HERC4: variants seen among roughly 807,000 people sequenced by gnomAD.
The protein encoded by HERC4 is probable E3 ubiquitin-protein ligase HERC4.
Under a neutral mutation model 124.3 loss-of-function variants are expected in HERC4, and 28 were observed. That is an observed-to-expected ratio of 0.23 (90% CI 0.17 to 0.31). The LOEUF (loss-of-function observed/expected upper bound fraction) is 0.31. HERC4 is among the 10% of genes least tolerant of loss of function. HERC4 has a pLI of 1.00. For missense variants in HERC4, 713 were observed against 1,229.3 expected, an observed-to-expected ratio of 0.58 and a Z score of 6.28; for synonymous variants, 407 against 421.5, an observed-to-expected ratio of 0.97 and a Z score of 0.42.
Position 68,030,153 on chromosome 10 carries a change from T to A in HERC4, c.777+2625A>T, listed in dbSNP as rs190281285. On this transcript the variant is annotated intron_variant, in intron 7 of 24. Coordinates refer to ENST00000373700, the MANE Select transcript of HERC4 (RefSeq NM_015601.4). ...TAAATTTACTGTATTTTTAAAAACA[T>A]ATAAGGCCGGGTGCAGGATTACACA... is the stretch of plus-strand genomic sequence containing the variant. Among the ~76,000 whole-genome samples, 7 of 152,096 alleles carry A rather than the reference T, an allele frequency of 4.6e-5. No homozygotes were observed. The East Asian group carries it at 1.4e-3, about 29-fold the overall frequency.
chr10:67,958,779 C>T (rs2034307155), intron 16 of HERC4, among the ~76,000 whole-genome samples: 1 of 152,120 alleles, frequency 6.6e-6, no homozygotes, highest in Non-Finnish European at 1.5e-5. Flanking sequence ...TAGGCATTTG[C>T]TAAATTTTAA....
chr10:68,025,504 T>C (rs1357147131), intron 8 of HERC4, 42 bp downstream of exon 8: 5 of 1,573,978 alleles, frequency 3.2e-6, no homozygotes, highest in African/African-American at 1.4e-5. Context: ...CCTAAACAAC[T>C]GCAGTTTAGA....
chr10:67,974,103 CACACACACACACACACAT>C (rs1191820263), intron 15 of HERC4, among the ~76,000 whole-genome samples: 11 of 144,340 alleles, frequency 7.6e-5, no homozygotes, highest in East Asian at 4.5e-4. Flanking sequence ...CACACACACA[CACACACACACACACACAT>C]ACACACAGGG....
Position 68,059,802 on chromosome 10 carries a change from A to ATATATTATAATATTATATATCATAATAT in HERC4, c.226+13053_226+13080dup, listed in dbSNP as rs1564609523. 1.6e-4 allele frequency among the ~76,000 whole-genome samples: 14 copies of ATATATTATAATATTATATATCATAATAT among 88,650 alleles called. 1 individual carries two copies. Among genetic ancestry groups the ATATATTATAATATTATATATCATAATAT allele is most frequent in the Non-Finnish European group, 2.4e-4 (13 of 54,694 alleles). The allele number at this position is 88,650 out of a possible 152,430, so 58.2% of individuals were successfully genotyped here. Reference sequence around the variant, plus strand: ...TTATAATATTATATATCATAATATTATATATTATAATATTATATATCATAA... The same window carrying ATATATTATAATATTATATATCATAATAT: ...TTATAATATTATATATCATAATATTATATATTATAATATTATATATCATAATATTATATTATAATATTATATATCATAA... On this transcript the variant is annotated intron_variant, in intron 3 of 24. Coordinates refer to ENST00000373700, the MANE Select transcript of HERC4 (RefSeq NM_015601.4).
At chr10:67,931,047 G>T (rs192672168) in intron 23 of HERC4, among the ~76,000 whole-genome samples, 112 of 152,122 alleles carry the variant, frequency 7.4e-4, no homozygotes, top group African/African-American at 2.7e-3. Context: ...GTGCAGTGGC[G>T]CAATCTCACT....
At chr10:67,950,435 C>G (rs972709031) in intron 19 of HERC4, among the ~76,000 whole-genome samples, 4 of 151,998 alleles carry the variant, frequency 2.6e-5, no homozygotes, top group Non-Finnish European at 5.9e-5. Flanking sequence ...TCCACCATGC[C>G]CAGCTAATTT....
At chr10:68,012,216 G>A (rs1049360118) in intron 9 of HERC4, among the ~76,000 whole-genome samples, 12 of 152,138 alleles carry the variant, frequency 7.9e-5, no homozygotes, top group African/African-American at 2.9e-4. Context: ...CAGCAATAAG[G>A]CTGTTTTTCA....
chr10:67,993,997 T>C lies in HERC4; in HGVS notation c.1070-1315A>G, dbSNP rs571968579. On this transcript the variant is annotated intron_variant, in intron 9 of 24. Transcript: ENST00000373700. ...GATTATTCCTTACAAGCAAGCACAA[T>C]GTTTTATTTGTAAAAGAAATCAGTA... 35 of 152,326 alleles carry C rather than the reference T, an allele frequency of 2.3e-4. 1 individual carries two copies. The highest frequency in any genetic ancestry group is 8.2e-4 in the African/African-American group (34 of 41,586). The allele number at this position is 152,326 out of a possible 1,614,324, so 9.4% of individuals were successfully genotyped here.
At chr10:68,050,411 A>C (rs2040239851) in intron 3 of HERC4, among the ~76,000 whole-genome samples, 1 of 152,230 alleles carries the variant, frequency 6.6e-6, no homozygotes, top group Non-Finnish European at 1.5e-5. Flanking sequence ...AAGTAGTTAA[A>C]GCAATGTATT....
intron 23 of HERC4, among the ~76,000 whole-genome samples, chr10:67,927,511 T>C (rs994978862): frequency 8.8e-5 from 13 of 147,894 alleles, no homozygotes; most frequent in African/African-American, 3.3e-4. Context: ...CTGCAACCTC[T>C]GCCTCCCAGG....
At chr10:68,026,312 T>A (rs2038897737) in intron 7 of HERC4, among the ~76,000 whole-genome samples, 1 of 152,002 alleles carries the variant, frequency 6.6e-6, no homozygotes, top group Non-Finnish European at 1.5e-5. Context: ...CCCAGGCTGG[T>A]CTCGAACTCC....
At chr10:68,062,316 TA>T (rs959851452) in intron 3 of HERC4, among the ~76,000 whole-genome samples, 4 of 152,174 alleles carry the variant, frequency 2.6e-5, no homozygotes, top group African/African-American at 9.7e-5. Context: ...ATGAATATAC[TA>T]ATCTATAGCT....
At chr10:68,050,369 TA>T (rs2040237375) in intron 3 of HERC4, among the ~76,000 whole-genome samples, 1 of 152,150 alleles carries the variant, frequency 6.6e-6, no homozygotes, top group Non-Finnish European at 1.5e-5. Flanking sequence ...AAATATAACT[TA>T]AAAAATATAA....
At chr10:68,020,387 A>G (rs568158697) in intron 8 of HERC4, among the ~76,000 whole-genome samples, 4 of 152,124 alleles carry the variant, frequency 2.6e-5, no homozygotes, top group African/African-American at 9.7e-5. Context: ...CATCCTAAAG[A>G]TGCTCAAAGA....
At chr10:68,066,059 C>T (rs1480555149) in intron 3 of HERC4, among the ~76,000 whole-genome samples, 1 of 151,982 alleles carries the variant, frequency 6.6e-6, no homozygotes, top group Non-Finnish European at 1.5e-5. Flanking sequence ...TTAGTGTTAC[C>T]CATTTTTCTA....
chr10:68,037,190 G>A (rs1408261650), intron 5 of HERC4, among the ~76,000 whole-genome samples: 3 of 150,604 alleles, frequency 2.0e-5, no homozygotes, highest in African/African-American at 7.3e-5. Flanking sequence ...CGCCTCCCGG[G>A]TTCAAGCGAT....
intron 8 of HERC4, among the ~76,000 whole-genome samples, chr10:68,025,167 G>T (rs2038833671): frequency 6.6e-6 from 1 of 151,992 alleles, no homozygotes; most frequent in Non-Finnish European, 1.5e-5. Context: ...GATTGAGGCT[G>T]CAATAAGCCA....
At chr10:67,989,168 G>A (rs2036423877) in intron 14 of HERC4, among the ~76,000 whole-genome samples, 1 of 151,962 alleles carries the variant, frequency 6.6e-6, no homozygotes, top group African/African-American at 2.4e-5. Flanking sequence ...GAAAATTACA[G>A]TTTCAATTTT....
At chr10:68,044,289 G>A in intron 4 of HERC4, 115 bp downstream of exon 4, 1 of 946,468 alleles carries the variant, frequency 1.1e-6, no homozygotes, top group East Asian at 2.8e-5. Context: ...AGGACTCAAA[G>A]GGGAGAAATA....
Sources: allele counts gnomAD v4.1 joint callset (sites outside exome capture counted in the v4.1 genomes callset), GRCh38; gene constraint gnomAD v4.1.1; transcripts MANE v1.5; gene names NCBI Gene and HGNC (gene_info 2026-07-23, HGNC 2026-07-21).